The following ITFG1 variants were observed in gnomAD, a reference collection of about 807,000 sequenced individuals.
The protein encoded by ITFG1 is T-cell immunomodulatory protein.
Under a neutral mutation model 81.8 loss-of-function variants are expected in ITFG1, and 34 were observed. The ratio of observed to expected loss-of-function variants is 0.42; its 90% CI spans 0.32 to 0.55. ITFG1 has a LOEUF of 0.55. Ranked by LOEUF, ITFG1 falls within the 20% of genes least tolerant of loss-of-function variation. The pLI is 0.17. For missense variants in ITFG1, 672 were observed against 755.4 expected (o/e 0.89, Z 1.29); for synonymous variants, 285 against 270.6 (o/e 1.05, Z -0.52).
intron 10 of ITFG1, among the ~76,000 whole-genome samples, chr16:47,304,775 CA>C (rs374363089): frequency 6.6e-6 from 1 of 151,680 alleles, no homozygotes; most frequent in East Asian, 1.9e-4. Flanking sequence ...TAAGATTTAC[CA>C]AAAAAAAGTG....
At chr16:47,423,653 G>C (rs908411912) in intron 6 of ITFG1, among the ~76,000 whole-genome samples, 1 of 152,094 alleles carries the variant, frequency 6.6e-6, no homozygotes, top group African/African-American at 2.4e-5. Context: ...CTCAGCATTT[G>C]CTTGTCTGTA....
intron 10 of ITFG1, among the ~76,000 whole-genome samples, chr16:47,269,067 G>A (rs1317778580): frequency 6.6e-6 from 1 of 152,170 alleles, no homozygotes; most frequent in African/African-American, 2.4e-5. Flanking sequence ...AATGGTGGAA[G>A]ACTGAATGCT....
intron 7 of ITFG1, among the ~76,000 whole-genome samples, chr16:47,373,522 C>A (rs922754037): frequency 6.6e-6 from 1 of 152,160 alleles, no homozygotes; most frequent in African/African-American, 2.4e-5. Flanking sequence ...CTCAGATGAT[C>A]TGGCCGCCTC....
At chr16:47,317,951 C>T (rs1334354569) in intron 8 of ITFG1, 1 of 152,050 alleles carries the variant, frequency 6.6e-6, no homozygotes, top group Non-Finnish European at 1.5e-5. Context: ...AAACACATAC[C>T]ACTACATTAA....
At chr16:47,171,378 C>A (rs1186935412) in intron 14 of ITFG1, among the ~76,000 whole-genome samples, 2 of 152,136 alleles carry the variant, frequency 1.3e-5, no homozygotes, top group African/African-American at 4.8e-5. Flanking sequence ...ATAAGGTCAG[C>A]AGCAAAGTCC....
chr16:47,456,415 C>T (rs1484094345), intron 2 of ITFG1, among the ~76,000 whole-genome samples: 2 of 152,052 alleles, frequency 1.3e-5, no homozygotes, highest in East Asian at 3.9e-4. Flanking sequence ...AGATGCCGGG[C>T]GCGGTGGCTC....
intron 13 of ITFG1, among the ~76,000 whole-genome samples, chr16:47,228,450 G>A (rs895483602): frequency 1.3e-5 from 2 of 152,074 alleles, no homozygotes; most frequent in Non-Finnish European, 2.9e-5. Flanking sequence ...GCCTTGACTT[G>A]TGCTCAGGCG....
intron 2 of ITFG1, 28 bp from the exon 3 acceptor site, chr16:47,454,186 C>T (rs1969423394): frequency 1.3e-6 from 2 of 1,562,284 alleles, no homozygotes; most frequent in Admixed American, 3.6e-5. Flanking sequence ...TTACAAATAT[C>T]AGACAAGTTG....
At position 47,211,162 on chromosome 16, in the gene ITFG1, C is replaced by T. The variant is rs149940779; in HGVS notation, c.1453+7706G>A. ...TAAATCTCCCAATCTATGAACCTTG[C>T]GTATCTCTTCATTTATTTAGACGAC... On this transcript the variant is annotated intron_variant, in intron 14 of 17. Transcript: ENST00000320640. 2.8e-4 allele frequency among the ~76,000 whole-genome samples: 42 copies of T among 152,284 alleles called. 1 individual carries two copies. The East Asian group carries it at 8.1e-3, about 29-fold the overall frequency.
intron 8 of ITFG1, among the ~76,000 whole-genome samples, chr16:47,319,155 C>T (rs1197515270): frequency 6.6e-6 from 1 of 152,180 alleles, no homozygotes; most frequent in Non-Finnish European, 1.5e-5. Flanking sequence ...TGTGGACCTT[C>T]TAAATGTTGA....
chr16:47,220,714 A>G (rs1024301770), intron 13 of ITFG1, among the ~76,000 whole-genome samples: 4 of 152,240 alleles, frequency 2.6e-5, no homozygotes, highest in Non-Finnish European at 5.9e-5. Context: ...AATGCATGAT[A>G]GTACAAAACC....
At chr16:47,383,042 G>A (rs1344767459) in intron 6 of ITFG1, among the ~76,000 whole-genome samples, 3 of 152,180 alleles carry the variant, frequency 2.0e-5, no homozygotes, top group African/African-American at 7.2e-5. Context: ...CTACCCCTGT[G>A]AGGTCAGGAC....
intron 6 of ITFG1, among the ~76,000 whole-genome samples, chr16:47,428,047 T>C (rs1033814714): frequency 6.6e-6 from 1 of 152,138 alleles, no homozygotes; most frequent in African/African-American, 2.4e-5. Flanking sequence ...GGTGGGAGGA[T>C]AGCTTGAGCC....
chr16:47,457,792 A>G (rs1256144628), intron 2 of ITFG1, among the ~76,000 whole-genome samples: 1 of 152,206 alleles, frequency 6.6e-6, no homozygotes, highest in African/African-American at 2.4e-5. Flanking sequence ...TTTCTAATAA[A>G]AAAAAAATCA....
chr16:47,242,300 G>C (rs1965944097), intron 12 of ITFG1, among the ~76,000 whole-genome samples: 1 of 149,214 alleles, frequency 6.7e-6, no homozygotes, highest in Non-Finnish European at 1.5e-5. Flanking sequence ...AGGATTTCAA[G>C]AAGCAATATC....
chr16:47,315,775 A>ATATATATATATG (rs200525858), intron 8 of ITFG1, among the ~76,000 whole-genome samples: 1 of 151,286 alleles, frequency 6.6e-6, no homozygotes. Context: ...TGCCATATAT[A>ATATATATATATG]TATACACATA....
At chr16:47,329,120 T>C (rs570018492) in intron 8 of ITFG1, among the ~76,000 whole-genome samples, 1 of 152,300 alleles carries the variant, frequency 6.6e-6, no homozygotes, top group Non-Finnish European at 1.5e-5. Flanking sequence ...GTAATATCAT[T>C]GTAAAATGAA....
At chr16:47,372,828 T>C (rs879258201) in intron 7 of ITFG1, among the ~76,000 whole-genome samples, 2 of 152,244 alleles carry the variant, frequency 1.3e-5, no homozygotes, top group Admixed American at 6.5e-5. Context: ...TTCTCATATC[T>C]AACCCTTTTT....
chr16:47,189,616 C>T (rs118053604), intron 14 of ITFG1, among the ~76,000 whole-genome samples: 2,737 of 152,236 alleles, frequency 0.018, 39 homozygotes, highest in Non-Finnish European at 0.027. Context: ...ATGGGCATTT[C>T]GTCTGTTTCC....
Sources: allele counts gnomAD v4.1 joint callset (sites outside exome capture counted in the v4.1 genomes callset), GRCh38; gene constraint gnomAD v4.1.1; transcripts MANE v1.5; gene names NCBI Gene and HGNC (gene_info 2026-07-23, HGNC 2026-07-21).